The following HECW2 variants were observed in gnomAD, a reference collection of about 807,000 sequenced individuals.
The protein encoded by HECW2 is HECT, C2 and WW domain containing E3 ubiquitin protein ligase 2, also known as E3 ubiquitin-protein ligase HECW2.
HECW2 carries 61 observed loss-of-function variants against 175.2 expected under a neutral mutation model. That is an observed-to-expected ratio of 0.35 (90% CI 0.28 to 0.43). The LOEUF is 0.43. Among genes scored for constraint, HECW2 ranks in the 20% least tolerant of loss-of-function variants. HECW2 has a pLI of 1.00. For missense variants in HECW2, 1,524 were observed against 2,000.5 expected (o/e 0.76, Z 4.54); for synonymous variants, 671 against 731.0 (o/e 0.92, Z 1.32).
chr2:196,334,539 A>C (rs528547005), intron 3 of HECW2, 21 bp from the exon 4 acceptor site: 5 of 1,547,988 alleles, frequency 3.2e-6, no homozygotes, highest in Non-Finnish European at 4.4e-6. Context: ...ATTGGAGAAA[A>C]CAGTAATTTA....
intron 1 of HECW2, among the ~76,000 whole-genome samples, chr2:196,579,021 G>A (rs867640474): frequency 6.6e-6 from 1 of 152,184 alleles, no homozygotes; most frequent in South Asian, 2.1e-4. Context: ...TTTAAAAAGT[G>A]TAGTCACGGG....
chr2:196,565,348 C>T (rs991175240), intron 1 of HECW2, among the ~76,000 whole-genome samples: 2 of 151,940 alleles, frequency 1.3e-5, no homozygotes, highest in East Asian at 3.8e-4. Context: ...GGCATTTTGC[C>T]CAAAAAATAG....
intron 22 of HECW2, 39 bp from the exon 23 acceptor site, chr2:196,225,909 A>G (rs766598843): frequency 6.3e-6 from 8 of 1,279,378 alleles, no homozygotes; most frequent in East Asian, 2.3e-5. Flanking sequence ...CATGTCATGG[A>G]GCAGTTTCTA....
intron 2 of HECW2, among the ~76,000 whole-genome samples, chr2:196,383,496 G>A (rs1482306339): frequency 6.6e-6 from 1 of 152,220 alleles, no homozygotes; most frequent in African/African-American, 2.4e-5. Context: ...TGGAAGAAGA[G>A]AGAGCAAAGG....
intron 18 of HECW2, 144 bp from the exon 19 acceptor site, chr2:196,254,173 T>G: frequency 7.4e-7 from 1 of 1,344,656 alleles, no homozygotes; most frequent in Non-Finnish European, 9.8e-7. Flanking sequence ...CAGGTAATTC[T>G]TGGTACAAAA....
Position 196,523,904 on chromosome 2 carries a change from G to T in HECW2, c.-36+69604C>A, listed in dbSNP as rs537630498. ...AGTATTTTATTGAGGATTTCTGCATGAATGTTCATCAAGGATATTGGTCTA... is the reference window on the plus strand; with the variant it reads ...AGTATTTTATTGAGGATTTCTGCATTAATGTTCATCAAGGATATTGGTCTA... On this transcript the variant is annotated intron_variant, in intron 1 of 28. Transcript: ENST00000644978. Among the ~76,000 whole-genome samples, 5 of 152,274 alleles carry T rather than the reference G, an allele frequency of 3.3e-5. No homozygotes were observed. The East Asian group carries it at 9.6e-4, about 29-fold the overall frequency.
At chr2:196,398,169 G>C (rs1327532735) in intron 2 of HECW2, among the ~76,000 whole-genome samples, 2 of 152,010 alleles carry the variant, frequency 1.3e-5, no homozygotes, top group East Asian at 3.9e-4. Flanking sequence ...CAAAATGCAT[G>C]CATGTGAGTA....
chr2:196,287,734 T>C (rs1269889204), intron 14 of HECW2, among the ~76,000 whole-genome samples: 1 of 152,188 alleles, frequency 6.6e-6, no homozygotes, highest in African/African-American at 2.4e-5. Context: ...ATTCACTCAT[T>C]ATTTCTTCAC....
At chr2:196,266,954 G>A (rs1218659978) in intron 17 of HECW2, among the ~76,000 whole-genome samples, 2 of 152,028 alleles carry the variant, frequency 1.3e-5, no homozygotes, top group African/African-American at 4.8e-5. Context: ...TGCCTTTTGT[G>A]GTTCAGAATT....
At position 196,391,166 on chromosome 2, in the gene HECW2, C is replaced by CTGCAGG. The variant is rs1175473116; in HGVS notation, c.292+41960_292+41965dup. 4.6e-5 allele frequency among the ~76,000 whole-genome samples: 7 copies of CTGCAGG among 152,278 alleles called. 1 individual carries two copies. In the South Asian group the frequency reaches 1.2e-3, roughly 27 times the overall value. On this transcript the variant is annotated intron_variant, in intron 2 of 28. Transcript: ENST00000644978. ...TCCCAGTTCTAAATATATAGTCTCT[C>CTGCAGG]TGCAGGTTATTTATCTTCTACCAGG... is the stretch of plus-strand genomic sequence containing the variant.
chr2:196,523,930 A>C (rs1258168525), intron 1 of HECW2, among the ~76,000 whole-genome samples: 2 of 152,160 alleles, frequency 1.3e-5, no homozygotes, highest in Non-Finnish European at 2.9e-5. Context: ...TATTGGTCTA[A>C]AATTGTCTTT....
chr2:196,415,263 G>C (rs1320891897), intron 2 of HECW2, among the ~76,000 whole-genome samples: 4 of 152,186 alleles, frequency 2.6e-5, no homozygotes, highest in Admixed American at 2.6e-4. Context: ...GGATGTGCAT[G>C]TTAAAAGTGT....
intron 1 of HECW2, among the ~76,000 whole-genome samples, chr2:196,528,421 C>G (rs1688740407): frequency 1.3e-5 from 2 of 152,124 alleles, no homozygotes; most frequent in Non-Finnish European, 1.5e-5. Flanking sequence ...ACATAAGAGG[C>G]AGAACATACT....
At chr2:196,336,929 G>A (rs1692570082) in intron 3 of HECW2, among the ~76,000 whole-genome samples, 3 of 93,588 alleles carry the variant, frequency 3.2e-5, no homozygotes, top group African/African-American at 1.1e-4. Flanking sequence ...AACCACACAC[G>A]CTGGTCACTA....
At chr2:196,559,904 A>G (rs1689938356) in intron 1 of HECW2, among the ~76,000 whole-genome samples, 1 of 152,218 alleles carries the variant, frequency 6.6e-6, no homozygotes, top group African/African-American at 2.4e-5. Context: ...TCACTCTAAA[A>G]GGATTTTCCT....
At chr2:196,361,966 G>T in intron 2 of HECW2, 1 of 985,378 alleles carries the variant, frequency 1.0e-6, no homozygotes, top group Non-Finnish European at 1.2e-6. Flanking sequence ...TGAAGTCAAG[G>T]CGGGTCTGGA....
intron 13 of HECW2, among the ~76,000 whole-genome samples, chr2:196,295,496 C>A (rs1247746069): frequency 6.6e-6 from 1 of 152,186 alleles, no homozygotes; most frequent in Admixed American, 6.5e-5. Flanking sequence ...GGTCTTACTA[C>A]CTAAGAGTAA....
In HECW2 at chr2:196,343,673, C is replaced by T. The variant is rs61741962; in HGVS notation, c.384G>A (p.Gly128=). The stretch of plus-strand genomic sequence containing the variant: ...GTTACTTACGTTCCATGAAATAGGG[C>T]CCAGGCTCAATTCTCCATACAATTT... The part of the protein sequence containing the change: ...KGQIVWRIEP[G]PYFMEPEIKI... Residue 128 remains glycine, a synonymous_variant, in exon 3 of 29, where the codon GGG becomes GGA. Coordinates refer to ENST00000644978, the MANE Select transcript of HECW2 (RefSeq NM_001348768.2). The T allele has an allele frequency of 0.019, 31,070 of 1,610,136 alleles. 364 individuals carry two copies. The highest frequency in any genetic ancestry group is 0.024 in the Non-Finnish European group (28,178 of 1,176,490).
chr2:196,388,255 C>G (rs1694406823), intron 2 of HECW2, among the ~76,000 whole-genome samples: 1 of 152,148 alleles, frequency 6.6e-6, no homozygotes, highest in Non-Finnish European at 1.5e-5. Context: ...GATTGGACTA[C>G]TGTACTCCAG....
Sources: gnomAD v4.1 joint callset for allele counts (sites outside exome capture counted in the v4.1 genomes callset) on GRCh38, gnomAD v4.1.1 for gene constraint, MANE v1.5 for transcripts, NCBI Gene and HGNC (gene_info 2026-07-23, HGNC 2026-07-21) for gene names.